Variants in KDM7A observed in about 807,000 individuals in gnomAD.
KDM7A encodes lysine demethylase 7A.
KDM7A carries 28 observed loss-of-function variants against 114.8 expected under a neutral mutation model. That is an observed-to-expected ratio of 0.24 (90% CI 0.18 to 0.33). KDM7A has a LOEUF of 0.33. Ranked by LOEUF, KDM7A falls within the 10% of genes least tolerant of loss-of-function variation. KDM7A has a pLI of 1.00. For synonymous variants in KDM7A, 423 were observed against 397.8 expected, an observed-to-expected ratio of 1.06 and a Z score of -0.75; for missense variants, 942 against 1,142.5, an observed-to-expected ratio of 0.82 and a Z score of 2.53.
At chr7:140,102,304 C>A (rs893322053) in intron 11 of KDM7A, 144 bp from the exon 12 acceptor site, 2 of 639,736 alleles carry the variant, frequency 3.1e-6, no homozygotes, top group South Asian at 3.9e-5. Context: ...TCCTAAGCTT[C>A]AAACAGCTTT....
chr7:140,110,140 C>CGTTT (rs1554396564), intron 11 of KDM7A, among the ~76,000 whole-genome samples: 1 of 151,424 alleles, frequency 6.6e-6, no homozygotes, highest in African/African-American at 2.4e-5. Context: ...CTGACACTCC[C>CGTTT]ATTTAACTAC....
chr7:140,138,633 T>C (rs1300178142), intron 2 of KDM7A, among the ~76,000 whole-genome samples: 1 of 152,184 alleles, frequency 6.6e-6, no homozygotes, highest in Non-Finnish European at 1.5e-5. Flanking sequence ...CCATACTCAA[T>C]ACAGCAACCA....
intron 19 of KDM7A, 151 bp from the exon 20 acceptor site, chr7:140,091,339 A>ATT (rs1215822625): frequency 1.5e-6 from 1 of 650,986 alleles, no homozygotes; most frequent in Admixed American, 2.5e-5. Context: ...CGCTGTTTAA[A>ATT]ACCCTTCCAC....
intron 10 of KDM7A, among the ~76,000 whole-genome samples, chr7:140,112,412 C>T (rs970736623): frequency 1.5e-4 from 23 of 152,258 alleles, no homozygotes; most frequent in African/African-American, 4.8e-4. Context: ...GAGCTCAAGA[C>T]CAGCCTGGCC....
At chr7:140,100,304 AG>A (rs1818179944) in intron 12 of KDM7A, among the ~76,000 whole-genome samples, 1 of 152,236 alleles carries the variant, frequency 6.6e-6, no homozygotes, top group South Asian at 2.1e-4. Context: ...TCATTCTTGC[AG>A]AAAGCTGAAA....
intron 8 of KDM7A, 101 bp downstream of exon 8, chr7:140,120,341 A>G: frequency 1.5e-6 from 1 of 662,074 alleles, no homozygotes; most frequent in South Asian, 2.0e-5. Context: ...ATTTCCATGG[A>G]ATCTCAAATA....
intron 1 of KDM7A, among the ~76,000 whole-genome samples, chr7:140,155,947 T>C (rs1487002017): frequency 6.6e-6 from 1 of 152,248 alleles, no homozygotes; most frequent in Admixed American, 6.5e-5. Context: ...GAAAATCTTA[T>C]GTATGTAGAC....
At chr7:140,133,453 G>C in intron 3 of KDM7A, 86 bp downstream of exon 3, 1 of 761,230 alleles carries the variant, frequency 1.3e-6, no homozygotes, top group East Asian at 2.5e-5. Flanking sequence ...GCCTAAGTTT[G>C]AAAACATTGC....
At chr7:140,133,699 G>A (rs1346538099) in intron 2 of KDM7A, 43 bp from the exon 3 acceptor site, 3 of 978,836 alleles carry the variant, frequency 3.1e-6, no homozygotes, top group African/African-American at 3.3e-5. Context: ...TTGGTAACTG[G>A]TGATACTATG....
chr7:140,105,237 G>C (rs1562947545), intron 11 of KDM7A, among the ~76,000 whole-genome samples: 1 of 152,184 alleles, frequency 6.6e-6, no homozygotes, highest in African/African-American at 2.4e-5. Flanking sequence ...TCTGCAAACA[G>C]GGACAATTTG....
intron 11 of KDM7A, among the ~76,000 whole-genome samples, chr7:140,105,561 T>A (rs1255407450): frequency 1.3e-5 from 2 of 152,216 alleles, no homozygotes; most frequent in Non-Finnish European, 2.9e-5. Context: ...GGTTTTTGTC[T>A]TCGGTTCTGT....
In KDM7A at chr7:140,085,261, A is replaced by G. The variant is rs568739408; in HGVS notation, c.*5833T>C. The G allele has an allele frequency of 2.0e-5, 3 of 152,308 alleles. No homozygotes were observed. Among genetic ancestry groups the G allele is most frequent in the African/African-American group, 7.2e-5 (3 of 41,534 alleles). 9.4% of individuals were successfully genotyped at this position (152,308 alleles called of 1,614,324 possible). ...CAGTCCCCTCGGACCGTGGGCATAA[A>G]AACCAGTAAGAAAAGTCAGTCAGGC... On this transcript the variant is annotated 3_prime_UTR_variant, in exon 20 of 20. Coordinates refer to ENST00000397560, the MANE Select transcript of KDM7A (RefSeq NM_030647.2).
rs780962518 is a variant in KDM7A at position 140,139,082 on chromosome 7, T to A, written c.280+23A>T. The A allele has an allele frequency of 7.3e-6, 11 of 1,503,126 alleles. No individual in the cohort carries two copies. The African/African-American group carries it at 1.1e-4, about 15-fold the overall frequency. 93.1% of individuals were successfully genotyped at this position (1,503,126 alleles called of 1,614,324 possible). On this transcript the variant is annotated intron_variant, in intron 2 of 19. Transcript: ENST00000397560. ...GTCAGTTTTTCTGAAATGTCCATTT[T>A]TATTTAAGCATCTAGTACTTACTCA...
At chr7:140,144,236 T>G (rs1393675158) in intron 1 of KDM7A, among the ~76,000 whole-genome samples, 1 of 152,002 alleles carries the variant, frequency 6.6e-6, no homozygotes, top group Non-Finnish European at 1.5e-5. Context: ...TTGGCAAGAG[T>G]GCCAAGATCA....
intron 17 of KDM7A, among the ~76,000 whole-genome samples, chr7:140,095,876 C>G (rs1027956495): frequency 2.6e-5 from 4 of 151,496 alleles, no homozygotes; most frequent in African/African-American, 9.7e-5. Context: ...GAGACAGTCT[C>G]AAAATAAATA....
At chr7:140,117,647 T>C (rs1260009518) in intron 9 of KDM7A, among the ~76,000 whole-genome samples, 5 of 152,242 alleles carry the variant, frequency 3.3e-5, no homozygotes, top group African/African-American at 1.2e-4. Context: ...CAAGGAAATT[T>C]GTGTTTTTAT....
intron 12 of KDM7A, 40 bp from the exon 13 acceptor site, chr7:140,100,063 CA>C (rs1818176803): frequency 6.2e-7 from 1 of 1,611,138 alleles, no homozygotes; most frequent in African/African-American, 1.3e-5. Flanking sequence ...CATCCACCCT[CA>C]GGTAGCCCTG....
At chr7:140,109,749 G>A (rs1818402039) in intron 11 of KDM7A, among the ~76,000 whole-genome samples, 1 of 152,112 alleles carries the variant, frequency 6.6e-6, no homozygotes, top group African/African-American at 2.4e-5. Context: ...TCTTAAACAT[G>A]CACATACCTC....
At chr7:140,118,894 C>T (rs569083403) in intron 9 of KDM7A, among the ~76,000 whole-genome samples, 3 of 152,194 alleles carry the variant, frequency 2.0e-5, no homozygotes, top group African/African-American at 7.2e-5. Flanking sequence ...CCAGGTCTTT[C>T]ATAACAAATT....
Sources: allele counts gnomAD v4.1 joint callset (sites outside exome capture counted in the v4.1 genomes callset), GRCh38; gene constraint gnomAD v4.1.1; transcripts MANE v1.5; gene names NCBI Gene and HGNC (gene_info 2026-07-23, HGNC 2026-07-21).